Variants in EXOC6B observed in about 807,000 individuals in gnomAD.
EXOC6B encodes exocyst complex component 6B, also known as SEC15 homolog B.
A neutral mutation model predicts 113.5 loss-of-function variants in EXOC6B; 54 were observed. The observed-to-expected ratio is 0.48, with a 90% CI of 0.38 to 0.60. EXOC6B has a LOEUF of 0.60. EXOC6B is among the 20% of genes least tolerant of loss of function. The probability of loss-of-function intolerance (pLI) is 0.00; values close to 1 mark genes in which losing one functional copy is unlikely to be tolerated. For synonymous variants in EXOC6B, 357 were observed against 339.0 expected (o/e 1.05, Z -0.58); for missense variants, 797 against 977.5 (o/e 0.82, Z 2.46).
chr2:72,614,456 T>C (rs116077520), intron 6 of EXOC6B, among the ~76,000 whole-genome samples: 2,619 of 152,134 alleles, frequency 0.017, 68 homozygotes, highest in African/African-American at 0.058. Context: ...AGAATTTAAT[T>C]TAAATTGGAC....
intron 20 of EXOC6B, among the ~76,000 whole-genome samples, chr2:72,229,267 T>C (rs1269678233): frequency 6.6e-6 from 1 of 152,124 alleles, no homozygotes; most frequent in Non-Finnish European, 1.5e-5. Context: ...GAGTTCAGGA[T>C]ATACTACATT....
At chr2:72,445,058 T>C (rs141118245) in intron 18 of EXOC6B, among the ~76,000 whole-genome samples, 99 of 152,182 alleles carry the variant, frequency 6.5e-4, no homozygotes, top group African/African-American at 2.4e-3. Context: ...TGGAATGCTT[T>C]TAACAGCATC....
At chr2:72,723,438 G>A (rs1306136951) in intron 5 of EXOC6B, among the ~76,000 whole-genome samples, 1 of 152,200 alleles carries the variant, frequency 6.6e-6, no homozygotes, top group East Asian at 1.9e-4. Context: ...TTGATTCCAA[G>A]CAAATTAAAT....
intron 20 of EXOC6B, among the ~76,000 whole-genome samples, chr2:72,328,237 CCA>C (rs1688240953): frequency 6.6e-6 from 1 of 152,058 alleles, no homozygotes; most frequent in African/African-American, 2.4e-5. Flanking sequence ...CTTCCAAAAA[CCA>C]AAGGACCATC....
At chr2:72,372,075 C>G (rs991317189) in intron 19 of EXOC6B, among the ~76,000 whole-genome samples, 1 of 151,896 alleles carries the variant, frequency 6.6e-6, no homozygotes, top group Non-Finnish European at 1.5e-5. Flanking sequence ...TTTATAATAG[C>G]CACAAATAAA....
At chr2:72,703,898 A>C (rs1313001879) in intron 6 of EXOC6B, among the ~76,000 whole-genome samples, 19 of 150,894 alleles carry the variant, frequency 1.3e-4, no homozygotes, top group Non-Finnish European at 7.4e-5. Flanking sequence ...CTCTTTTCCT[A>C]ATTGAATACC....
intron 8 of EXOC6B, among the ~76,000 whole-genome samples, chr2:72,547,449 C>T (rs1702973609): frequency 6.6e-6 from 1 of 152,164 alleles, no homozygotes; most frequent in Non-Finnish European, 1.5e-5. Context: ...GGAATTTAAA[C>T]TGCTCATGAG....
chr2:72,285,529 G>A (rs1458065710), intron 20 of EXOC6B, among the ~76,000 whole-genome samples: 2 of 151,890 alleles, frequency 1.3e-5, no homozygotes, highest in African/African-American at 4.8e-5. Flanking sequence ...AAACTATAAA[G>A]CTCATAGAAG....
intron 6 of EXOC6B, among the ~76,000 whole-genome samples, chr2:72,641,429 G>A (rs1433133376): frequency 6.6e-6 from 1 of 152,258 alleles, no homozygotes; most frequent in African/African-American, 2.4e-5. Flanking sequence ...CTGGATTGGT[G>A]GGTCCCCCAC....
At chr2:72,647,925 C>T (rs1031967770) in intron 6 of EXOC6B, among the ~76,000 whole-genome samples, 4 of 152,090 alleles carry the variant, frequency 2.6e-5, no homozygotes, top group Non-Finnish European at 1.5e-5. Flanking sequence ...CCAAAATAGA[C>T]AAATGGGATC....
chr2:72,432,118 C>A (rs560968108), intron 18 of EXOC6B, among the ~76,000 whole-genome samples: 2 of 151,918 alleles, frequency 1.3e-5, no homozygotes, highest in Non-Finnish European at 2.9e-5. Context: ...CTCACTGCAA[C>A]CTCCGTCTCC....
intron 18 of EXOC6B, chr2:72,461,394 T>C (rs989974183): frequency 2.6e-5 from 4 of 150,964 alleles, no homozygotes; most frequent in African/African-American, 9.7e-5. Flanking sequence ...CCATGGAGTA[T>C]ACAATTCTAG....
At chr2:72,641,386 G>A (rs1003788284) in intron 6 of EXOC6B, among the ~76,000 whole-genome samples, 8 of 152,244 alleles carry the variant, frequency 5.3e-5, no homozygotes, top group Non-Finnish European at 7.3e-5. Flanking sequence ...AACAGTCTTA[G>A]CAAACGGCAC....
chr2:72,729,529 T>A (rs1236101496), intron 5 of EXOC6B, among the ~76,000 whole-genome samples: 1 of 151,502 alleles, frequency 6.6e-6, no homozygotes, highest in African/African-American at 2.4e-5. Flanking sequence ...TGTGAGCCAA[T>A]TCTCATGCCT....
At chr2:72,397,978 G>A (rs1692859931) in intron 18 of EXOC6B, among the ~76,000 whole-genome samples, 1 of 152,140 alleles carries the variant, frequency 6.6e-6, no homozygotes, top group South Asian at 2.1e-4. Context: ...ACAAAGGAAA[G>A]GGTATAGCAT....
At chr2:72,401,659 ATATATATGTATATATATATATATATATG>A (rs1693329139) in intron 18 of EXOC6B, among the ~76,000 whole-genome samples, 1 of 76,804 alleles carries the variant, frequency 1.3e-5, no homozygotes, top group Non-Finnish European at 2.2e-5. Context: ...ATATATATAT[ATATATATGTATATATATATATATATATG>A]AAAAAGAATG....
At chr2:72,189,360 G>C (rs41405) in intron 20 of EXOC6B, among the ~76,000 whole-genome samples, 43,626 of 152,064 alleles carry the variant, frequency 0.29, 6,714 homozygotes, top group African/African-American at 0.35. Context: ...AGAACACTAT[G>C]TAAGTGATGC....
chr2:72,495,138 A>C (rs1414183085), intron 15 of EXOC6B, among the ~76,000 whole-genome samples: 1 of 152,138 alleles, frequency 6.6e-6, no homozygotes, highest in African/African-American at 2.4e-5. Context: ...GATTACAAAA[A>C]TGAGCCACTG....
chr2:72,330,532 A>G (rs1396644758), intron 20 of EXOC6B, among the ~76,000 whole-genome samples: 1 of 152,092 alleles, frequency 6.6e-6, no homozygotes, highest in Non-Finnish European at 1.5e-5. Flanking sequence ...TATGCTTTAA[A>G]TATTTTCTTC....
Sources: allele counts gnomAD v4.1 joint callset (sites outside exome capture counted in the v4.1 genomes callset), GRCh38; gene constraint gnomAD v4.1.1; transcripts MANE v1.5; gene names NCBI Gene and HGNC (gene_info 2026-07-23, HGNC 2026-07-21).